Variants in ATRX observed in about 807,000 individuals in gnomAD.
ATRX encodes the protein ATRX chromatin remodeler, also known as chromatin remodeler ATRX.
A neutral mutation model predicts 172.6 loss-of-function variants in ATRX; 12 were observed. That is an observed-to-expected ratio of 0.07 (90% CI 0.04 to 0.11). The LOEUF (loss-of-function observed/expected upper bound fraction) is 0.11. Among genes scored for constraint, ATRX ranks in the 10% least tolerant of loss-of-function variants. The pLI, the probability that ATRX is intolerant of heterozygous loss-of-function variation, is 1.00. For synonymous variants in ATRX, 674 were observed against 594.7 expected, an observed-to-expected ratio of 1.13 and a Z score of -1.94; for missense variants, 1,368 against 1,767.4, an observed-to-expected ratio of 0.77 and a Z score of 4.05.
At chrX:77,746,109 C>T (rs782503293) in intron 1 of ATRX, among the ~76,000 whole-genome samples, 4 of 110,481 alleles carry the variant, frequency 3.6e-5, no homozygotes, top group South Asian at 3.8e-4. Flanking sequence ...TACACATGGA[C>T]GTAGAGCATG....
intron 1 of ATRX, among the ~76,000 whole-genome samples, chrX:77,772,029 T>C (rs1357113584): frequency 8.9e-5 from 10 of 112,044 alleles, no homozygotes; most frequent in African/African-American, 1.9e-4. Flanking sequence ...GCATGGTGGC[T>C]CACGCCTGTA....
At chrX:77,783,186 G>C (rs1316120402) in intron 1 of ATRX, among the ~76,000 whole-genome samples, 2 of 111,706 alleles carry the variant, frequency 1.8e-5, no homozygotes, top group African/African-American at 3.3e-5. Context: ...AGTAAGCCAA[G>C]ATCACGCCCC....
At chrX:77,718,062 T>A (rs1557166446) in intron 1 of ATRX, among the ~76,000 whole-genome samples, 1 of 111,359 alleles carries the variant, frequency 9.0e-6, no homozygotes, top group African/African-American at 3.3e-5. Context: ...TCCTTAGAAA[T>A]CAAAACATAG....
At chrX:77,727,021 G>C (rs2074075114) in intron 1 of ATRX, among the ~76,000 whole-genome samples, 3 of 111,410 alleles carry the variant, frequency 2.7e-5, no homozygotes, top group African/African-American at 9.8e-5. Context: ...AGTGGGCATA[G>C]GATATGAATA....
intron 28 of ATRX, among the ~76,000 whole-genome samples, chrX:77,561,425 TAAG>T (rs1260240966): frequency 9.0e-6 from 1 of 110,993 alleles, no homozygotes. Flanking sequence ...TTCTTAATAC[TAAG>T]TATTAGTATT....
In ATRX at chrX:77,689,417, A is replaced by G. The variant is rs45534840; in HGVS notation, c.485-490T>C. On this transcript the variant is annotated intron_variant, in intron 6 of 34. Transcript: ENST00000373344. ...TATGTAAAAACTTGGTAATTTTATG[A>G]TATTACCAATTTCCTTGCTAATATT... 4.9e-3 allele frequency among the ~76,000 whole-genome samples: 550 copies of G among 112,367 alleles called. 2 individuals carry two copies. The highest frequency in any genetic ancestry group is 9.2e-3 in the Middle Eastern group (2 of 218).
intron 1 of ATRX, among the ~76,000 whole-genome samples, chrX:77,734,641 G>T (rs1162530308): frequency 9.3e-6 from 1 of 107,575 alleles, no homozygotes; most frequent in Non-Finnish European, 1.9e-5. Flanking sequence ...ACAAAAATTA[G>T]CTGGGCATCA....
intron 1 of ATRX, among the ~76,000 whole-genome samples, chrX:77,785,347 TC>T (rs1288675675): frequency 2.8e-5 from 3 of 109,031 alleles, no homozygotes; most frequent in Non-Finnish European, 5.7e-5. Flanking sequence ...CTGTGTTAAG[TC>T]CCCCCTCGCC....
Position 77,521,513 on chromosome X carries a change from G to T in ATRX, c.6976-15C>A. The T allele has an allele frequency of 1.7e-6, 2 of 1,143,485 alleles. No homozygotes were observed. Among genetic ancestry groups the T allele is most frequent in the Non-Finnish European group, 2.4e-6 (2 of 834,902 alleles). The allele number at this position is 1,143,485 out of a possible 1,213,427, so 94.2% of individuals were successfully genotyped here. On this transcript the variant is annotated splice_polypyrimidine_tract_variant and intron_variant, in intron 32 of 34. Coordinates refer to ENST00000373344, the MANE Select transcript of ATRX (RefSeq NM_000489.6). Reference sequence around the variant, plus strand: ...TTAATGAGGTCCTAGAAGAATGCAAGAAATAAGTTATATAAGGCAGAAAGA... The same window carrying T: ...TTAATGAGGTCCTAGAAGAATGCAATAAATAAGTTATATAAGGCAGAAAGA...
At chrX:77,612,087 G>A (rs781848868) in intron 22 of ATRX, among the ~76,000 whole-genome samples, 12 of 110,984 alleles carry the variant, frequency 1.1e-4, no homozygotes, top group Non-Finnish European at 2.1e-4. Context: ...ATTTCTCCAT[G>A]TTCCCCTTGT....
At chrX:77,636,918 GGAA>G (rs2068394163) in intron 15 of ATRX, among the ~76,000 whole-genome samples, 1 of 93,829 alleles carries the variant, frequency 1.1e-5, no homozygotes, top group African/African-American at 4.1e-5. Context: ...GAAGGAAGAA[GGAA>G]GAAGGAAGGA....
intron 6 of ATRX, among the ~76,000 whole-genome samples, chrX:77,689,582 A>G (rs782000804): frequency 1.9e-4 from 21 of 112,287 alleles, no homozygotes; most frequent in Non-Finnish European, 3.9e-4. Flanking sequence ...TTGGCAGCAA[A>G]ACATCAGAAC....
intron 34 of ATRX, among the ~76,000 whole-genome samples, chrX:77,516,292 T>G (rs1162275220): frequency 8.9e-6 from 1 of 111,928 alleles, no homozygotes; most frequent in Non-Finnish European, 1.9e-5. Flanking sequence ...ACATATAGTG[T>G]CTGAATGGAT....
At chrX:77,646,517 T>A (rs1035238125) in intron 15 of ATRX, among the ~76,000 whole-genome samples, 2 of 110,183 alleles carry the variant, frequency 1.8e-5, no homozygotes, top group African/African-American at 6.6e-5. Context: ...AGGGGAAAAC[T>A]AAAACAAAAA....
At chrX:77,590,295 G>A (rs1157925975) in intron 26 of ATRX, among the ~76,000 whole-genome samples, 3 of 110,940 alleles carry the variant, frequency 2.7e-5, no homozygotes, top group African/African-American at 9.8e-5. Flanking sequence ...CATTTCAATG[G>A]TAAAAGGATA....
At chrX:77,538,139 C>T (rs2063819565) in intron 30 of ATRX, among the ~76,000 whole-genome samples, 2 of 109,321 alleles carry the variant, frequency 1.8e-5, no homozygotes, top group African/African-American at 3.3e-5. Context: ...CCATGGCACA[C>T]GTTTACCCAT....
intron 1 of ATRX, among the ~76,000 whole-genome samples, chrX:77,774,058 A>G (rs542740256): frequency 9.1e-6 from 1 of 110,285 alleles, no homozygotes; most frequent in African/African-American, 3.3e-5. Context: ...CCCCATCTCT[A>G]CTAAAAATAC....
At chrX:77,726,390 G>A (rs781977480) in intron 1 of ATRX, among the ~76,000 whole-genome samples, 3 of 101,842 alleles carry the variant, frequency 2.9e-5, no homozygotes, top group Non-Finnish European at 5.9e-5. Flanking sequence ...ACCAAACACC[G>A]CATGTTCTCA....
At chrX:77,763,153 G>C (rs1197108891) in intron 1 of ATRX, among the ~76,000 whole-genome samples, 2 of 107,500 alleles carry the variant, frequency 1.9e-5, no homozygotes, top group Non-Finnish European at 3.9e-5. Flanking sequence ...TTTGTTTTTT[G>C]TTTTTTTTGG....
Sources: allele counts gnomAD v4.1 joint callset (sites outside exome capture counted in the v4.1 genomes callset), GRCh38; gene constraint gnomAD v4.1.1; transcripts MANE v1.5; gene names NCBI Gene and HGNC (gene_info 2026-07-23, HGNC 2026-07-21).